Variants in CHAT observed in about 807,000 individuals in gnomAD.
The protein encoded by CHAT is choline O-acetyltransferase.
CHAT carries 61 observed loss-of-function variants against 76.9 expected under a neutral mutation model. The observed-to-expected ratio is 0.79, with a 90% CI of 0.65 to 0.98. The LOEUF (loss-of-function observed/expected upper bound fraction) is 0.98. Among genes scored for constraint, CHAT ranks in the 50% least tolerant of loss-of-function variants. CHAT has a pLI of 0.00. For synonymous variants in CHAT, 407 were observed against 397.4 expected, an observed-to-expected ratio of 1.02 and a Z score of -0.29; for missense variants, 946 against 986.9, an observed-to-expected ratio of 0.96 and a Z score of 0.56.
rs900758017 is a variant in CHAT, at chr10:49,667,356, T to C, written c.*2310T>C. 2.0e-5 allele frequency among the ~76,000 whole-genome samples: 3 copies of C among 152,172 alleles called. No homozygotes were observed. Among genetic ancestry groups the C allele is most frequent in the Non-Finnish European group, 4.4e-5 (3 of 68,040 alleles). ...TGGTTTTCTTTTAAACTATTTACAC[T>C]GATATGACAGACTCAAACTCATATT... On this transcript the variant is annotated 3_prime_UTR_variant, in exon 15 of 15. Coordinates refer to ENST00000337653, the MANE Select transcript of CHAT (RefSeq NM_020549.5).
intron 8 of CHAT, 47 bp from the exon 9 acceptor site, chr10:49,648,460 C>A: frequency 1.3e-6 from 2 of 1,489,580 alleles, no homozygotes; most frequent in Non-Finnish European, 9.3e-7. Flanking sequence ...GGCTGCCTTG[C>A]AATGCTGACT....
intron 13 of CHAT, 134 bp from the exon 14 acceptor site, chr10:49,662,511 T>C (rs2132851999): frequency 8.6e-7 from 1 of 1,157,024 alleles, no homozygotes; most frequent in Non-Finnish European, 1.3e-6. Context: ...ATACACATTG[T>C]TGGCAGCAGG....
rs140658829 is a variant in CHAT, at chr10:49,632,319, G to A, written c.1111+4534G>A. On this transcript the variant is annotated intron_variant, in intron 7 of 14. Coordinates refer to ENST00000337653, the MANE Select transcript of CHAT (RefSeq NM_020549.5). The stretch of plus-strand genomic sequence containing the variant: ...GTAGAGGACACATGGCCTGGGGAGT[G>A]GGGTGATGGGGGAGCCAGGGAGCCC... 1.7e-3 allele frequency among the ~76,000 whole-genome samples: 257 copies of A among 152,312 alleles called. 1 individual carries two copies. The highest frequency in any genetic ancestry group is 6.1e-3 in the African/African-American group (253 of 41,568).
At chr10:49,632,215 A>T (rs1258088071) in intron 7 of CHAT, among the ~76,000 whole-genome samples, 1 of 152,152 alleles carries the variant, frequency 6.6e-6, no homozygotes. Context: ...GAGTTTAGCC[A>T]TGCAGGGGAA....
At chr10:49,611,113 G>A, upstream of CHAT, 1 of 1,614,062 alleles carries the variant, frequency 6.2e-7, no homozygotes, top group African/African-American at 1.3e-5. Flanking sequence ...CGTGAAGATC[G>A]GGGTGCTGTT....
intron 6 of CHAT, among the ~76,000 whole-genome samples, chr10:49,625,866 T>C (rs1026001764): frequency 1.3e-5 from 2 of 152,190 alleles, no homozygotes; most frequent in Non-Finnish European, 2.9e-5. Flanking sequence ...AGTTTGAGAA[T>C]ATCCTCACTG....
At chr10:49,634,714 T>C (rs1458475308) in intron 7 of CHAT, among the ~76,000 whole-genome samples, 1 of 152,154 alleles carries the variant, frequency 6.6e-6, no homozygotes, top group Non-Finnish European at 1.5e-5. Context: ...TTTTTTGTTT[T>C]GTTTTTGTTT....
chr10:49,614,047 C>A lies in CHAT; in HGVS notation c.-143C>A. 7 of 1,424,630 alleles carry A rather than the reference C, an allele frequency of 4.9e-6. No individual in the cohort carries two copies. The highest frequency in any genetic ancestry group is 6.7e-6 in the Non-Finnish European group (7 of 1,047,844). 88.2% of individuals were successfully genotyped at this position (1,424,630 alleles called of 1,614,324 possible). Reference sequence around the variant, plus strand: ...AGTGCGGTGACTGGGAAATGCTGAGCTAGGGGCAGGAGGCATGGGCGGGAC... The same window carrying A: ...AGTGCGGTGACTGGGAAATGCTGAGATAGGGGCAGGAGGCATGGGCGGGAC... On this transcript the variant is annotated 5_prime_UTR_variant, in exon 1 of 15. Coordinates refer to ENST00000337653, the MANE Select transcript of CHAT (RefSeq NM_020549.5).
intron 7 of CHAT, 29 bp from the exon 8 acceptor site, chr10:49,646,476 T>C: frequency 6.2e-7 from 1 of 1,613,622 alleles, no homozygotes; most frequent in South Asian, 1.1e-5. Flanking sequence ...GCGGGACAGG[T>C]GCTAGGGCTG....
chr10:49,637,032 C>CT, intron 7 of CHAT, among the ~76,000 whole-genome samples: 1 of 150,184 alleles, frequency 6.7e-6, no homozygotes, highest in Non-Finnish European at 1.5e-5. Context: ...TTGTGTCTTT[C>CT]TCCCTCTCTT....
rs185637097 is a variant in CHAT, at chr10:49,638,520, C to T, written c.1112-7985C>T. On this transcript the variant is annotated intron_variant, in intron 7 of 14. Coordinates refer to ENST00000337653, the MANE Select transcript of CHAT (RefSeq NM_020549.5). ...TCAATTATTGTTCTCTTTCTCTTGC[C>T]TTCGTGTGGGTTACCCGAACATTTT... is the stretch of plus-strand genomic sequence containing the variant. Among the ~76,000 whole-genome samples the T allele has an allele frequency of 6.5e-3, 987 of 152,172 alleles. 11 individuals carry two copies. Among genetic ancestry groups the T allele is most frequent in the African/African-American group, 0.023 (939 of 41,520 alleles).
In CHAT at chr10:49,665,280, G is replaced by T. The variant is rs1177544951; in HGVS notation, c.*234G>T. On this transcript the variant is annotated 3_prime_UTR_variant, in exon 15 of 15. Coordinates refer to ENST00000337653, the MANE Select transcript of CHAT (RefSeq NM_020549.5). ...TTTGGGCCTGCACACTGGGAAATGG[G>T]ACCTGCCTGGCTCAGAGGCAGCCTG... Among the ~76,000 whole-genome samples the T allele has an allele frequency of 6.6e-6, 1 of 152,156 alleles. No individual in the cohort carries two copies. The highest frequency in any genetic ancestry group is 1.5e-5 in the Non-Finnish European group (1 of 68,026).
chr10:49,625,070 T>C (rs1255704342), intron 5 of CHAT, among the ~76,000 whole-genome samples: 2 of 152,176 alleles, frequency 1.3e-5, no homozygotes, highest in East Asian at 1.9e-4. Context: ...ACTTCCTGCA[T>C]TGACCTCAGA....
At chr10:49,614,773 C>T (rs1036263221) in intron 1 of CHAT, among the ~76,000 whole-genome samples, 4 of 152,186 alleles carry the variant, frequency 2.6e-5, no homozygotes, top group Non-Finnish European at 5.9e-5. Flanking sequence ...TGTGTCTAGT[C>T]GGAGGGTCCT....
In CHAT at chr10:49,653,203, G is replaced by T. The variant is rs551911484; in HGVS notation, c.1634+1197G>T. On this transcript the variant is annotated intron_variant, in intron 11 of 14. Coordinates refer to ENST00000337653, the MANE Select transcript of CHAT (RefSeq NM_020549.5). ...CCAGAAGTGGTCCGGCCAGGTCTGG[G>T]ATTTAGACCTGGTGGCCCAGGTAGC... is the stretch of plus-strand genomic sequence containing the variant. Among the ~76,000 whole-genome samples the T allele has an allele frequency of 3.3e-5, 5 of 152,222 alleles. No individual in the cohort carries two copies. In the South Asian group the frequency reaches 1.0e-3, roughly 32 times the overall value.
chr10:49,650,911 C>G (rs1197145747), intron 10 of CHAT, among the ~76,000 whole-genome samples: 1 of 152,182 alleles, frequency 6.6e-6, no homozygotes, highest in Non-Finnish European at 1.5e-5. Context: ...GGGGCCAAGG[C>G]AGTGAGCTGG....
intron 13 of CHAT, among the ~76,000 whole-genome samples, chr10:49,656,300 TTTTTTTTTTTG>T (rs1382838704): frequency 6.7e-4 from 98 of 146,478 alleles, no homozygotes; most frequent in African/African-American, 2.3e-3. Flanking sequence ...TTTTTTTTTT[TTTTTTTTTTTG>T]GTCTTCATGC....
chr10:49,610,181 G>GCCCCCGC (rs2132684011), upstream of CHAT: 1 of 151,816 alleles, frequency 6.6e-6, no homozygotes, highest in East Asian at 2.0e-4. Flanking sequence ...CCCGCCCCCG[G>GCCCCCGC]CCCCCGCCCC....
intron 7 of CHAT, among the ~76,000 whole-genome samples, chr10:49,639,017 T>G (rs975861617): frequency 6.6e-5 from 10 of 152,066 alleles, no homozygotes; most frequent in Admixed American, 2.0e-4. Context: ...GGGTGGATCG[T>G]GAGGTCAGGA....
Sources: allele counts gnomAD v4.1 joint callset (sites outside exome capture counted in the v4.1 genomes callset), GRCh38; gene constraint gnomAD v4.1.1; transcripts MANE v1.5; gene names NCBI Gene and HGNC (gene_info 2026-07-23, HGNC 2026-07-21).